NCOA7: variants seen among roughly 807,000 people sequenced by gnomAD.
The protein encoded by NCOA7 is nuclear receptor coactivator 7.
A neutral mutation model predicts 104.3 loss-of-function variants in NCOA7; 45 were observed. The observed-to-expected ratio is 0.43, with a 90% CI of 0.34 to 0.55. NCOA7 has a LOEUF of 0.55. Ranked by LOEUF, NCOA7 falls within the 20% of genes least tolerant of loss-of-function variation. The pLI is 0.02. For synonymous variants in NCOA7, 398 were observed against 402.3 expected (o/e 0.99, Z 0.13); for missense variants, 1,041 against 1,119.7 (o/e 0.93, Z 1.00).
intron 1 of NCOA7, among the ~76,000 whole-genome samples, chr6:125,814,780 A>G (rs915581232): frequency 6.6e-6 from 1 of 152,150 alleles, no homozygotes; most frequent in East Asian, 1.9e-4. Flanking sequence ...TCATTTCCAC[A>G]TTTGCTCAAG....
At position 125,896,539 on chromosome 6, in the gene NCOA7, C is replaced by T. The variant is rs187713350; in HGVS notation, c.2096+5729C>T. ...GGCGTGGTACGTCATGCCTGTAATC[C>T]CAGCACTTTTGGGAGGCCAAGGTGG... is the stretch of plus-strand genomic sequence containing the variant. On this transcript the variant is annotated intron_variant, in intron 10 of 15. Coordinates refer to ENST00000392477, the MANE Select transcript of NCOA7 (RefSeq NM_181782.5). Among the ~76,000 whole-genome samples, 215 of 152,118 alleles carry T rather than the reference C, an allele frequency of 1.4e-3. 1 individual carries two copies. Among genetic ancestry groups the T allele is most frequent in the African/African-American group, 5.0e-3 (207 of 41,498 alleles).
intron 4 of NCOA7, 47 bp from the exon 5 acceptor site, chr6:125,878,216 A>AT (rs752154033): frequency 7.4e-5 from 98 of 1,324,052 alleles, no homozygotes; most frequent in South Asian, 8.7e-5. Context: ...ATCAAAAGTA[A>AT]TTTTTTTTGC....
chr6:125,853,552 A>C (rs1781300994), intron 2 of NCOA7, among the ~76,000 whole-genome samples: 1 of 152,168 alleles, frequency 6.6e-6, no homozygotes, highest in Non-Finnish European at 1.5e-5. Context: ...TTGTTAGCCA[A>C]TGAATATCTA....
intron 10 of NCOA7, among the ~76,000 whole-genome samples, chr6:125,895,046 G>A (rs1329290165): frequency 6.6e-6 from 1 of 152,004 alleles, no homozygotes; most frequent in Non-Finnish European, 1.5e-5. Flanking sequence ...AACCTCAATT[G>A]TCTTTTTCCC....
At chr6:125,927,116 G>A (rs1433364612) in intron 13 of NCOA7, among the ~76,000 whole-genome samples, 2 of 152,130 alleles carry the variant, frequency 1.3e-5, no homozygotes, top group African/African-American at 2.4e-5. Context: ...CTAAACTATA[G>A]TAAGTCAGTC....
At chr6:125,781,904 G>T (rs551697284) in intron 1 of NCOA7, among the ~76,000 whole-genome samples, 2 of 152,272 alleles carry the variant, frequency 1.3e-5, no homozygotes, top group African/African-American at 4.8e-5. Flanking sequence ...GCAACAGAAA[G>T]TTGCAACTAT....
Position 125,799,443 on chromosome 6 carries a change from C to CTT in NCOA7, c.-65+8391_-65+8392dup, listed in dbSNP as rs35143077. 3.8e-3 allele frequency among the ~76,000 whole-genome samples: 518 copies of CTT among 138,002 alleles called. 3 individuals carry two copies. The highest frequency in any genetic ancestry group is 0.013 in the African/African-American group (488 of 37,982). The allele number at this position is 138,002 out of a possible 152,430, so 90.5% of individuals were successfully genotyped here. A position where few individuals can be genotyped will look rare whatever the true frequency, so the allele number is the denominator to read the frequency against. On this transcript the variant is annotated intron_variant, in intron 1 of 15. Coordinates refer to ENST00000392477, the MANE Select transcript of NCOA7 (RefSeq NM_181782.5). Reference sequence around the variant, plus strand: ...TGGCTTACTTTATTGCTTAGTTGTTCTTTTTTTTTTTTTTTTGATAGAATC... The same window carrying CTT: ...TGGCTTACTTTATTGCTTAGTTGTTCTTTTTTTTTTTTTTTTTTGATAGAATC...
At chr6:125,796,798 G>A (rs1199805108) in intron 1 of NCOA7, 1 of 152,136 alleles carries the variant, frequency 6.6e-6, no homozygotes, top group Non-Finnish European at 1.5e-5. Flanking sequence ...GGGATTACAG[G>A]TATGTGCCAC....
At chr6:125,852,306 C>T (rs1781195173) in intron 2 of NCOA7, among the ~76,000 whole-genome samples, 1 of 152,238 alleles carries the variant, frequency 6.6e-6, no homozygotes, top group South Asian at 2.1e-4. Flanking sequence ...AGCGATTCTC[C>T]TGCCTCAGCC....
intron 2 of NCOA7, among the ~76,000 whole-genome samples, chr6:125,840,908 T>TTTTTTTTTTTTTTTC: frequency 1.1e-5 from 1 of 91,502 alleles, no homozygotes; most frequent in Non-Finnish European, 2.2e-5. Context: ...TTTTTTTTTT[T>TTTTTTTTTTTTTTTC]TTGAGACAGA....
intron 14 of NCOA7, among the ~76,000 whole-genome samples, 177 bp downstream of exon 14, chr6:125,927,935 G>A (rs1423259282): frequency 1.3e-5 from 2 of 152,206 alleles, no homozygotes; most frequent in Admixed American, 6.5e-5. Context: ...CTTCTGGGCT[G>A]CTCAGGCTGG....
chr6:125,891,939 T>C (rs1784652165), intron 10 of NCOA7, among the ~76,000 whole-genome samples: 1 of 152,176 alleles, frequency 6.6e-6, no homozygotes, highest in South Asian at 2.1e-4. Context: ...TTGAGGAGAA[T>C]GAGGAGAAAA....
At chr6:125,850,097 G>A (rs1007673715) in intron 2 of NCOA7, among the ~76,000 whole-genome samples, 9 of 152,150 alleles carry the variant, frequency 5.9e-5, no homozygotes, top group African/African-American at 1.7e-4. Context: ...AAAGATTAAA[G>A]CCCTGAAAAG....
chr6:125,783,425 TG>T (rs1316789900), intron 1 of NCOA7, among the ~76,000 whole-genome samples: 1 of 152,198 alleles, frequency 6.6e-6, no homozygotes, highest in Admixed American at 6.5e-5. Flanking sequence ...GCTATAGTGA[TG>T]GCAAAATGGT....
At chr6:125,808,580 C>A (rs999504049) in intron 1 of NCOA7, among the ~76,000 whole-genome samples, 1 of 152,194 alleles carries the variant, frequency 6.6e-6, no homozygotes, top group East Asian at 1.9e-4. Flanking sequence ...AGCTCCCTCC[C>A]TCTGTTTTCT....
At chr6:125,822,564 G>A (rs867598566) in intron 2 of NCOA7, among the ~76,000 whole-genome samples, 4 of 152,184 alleles carry the variant, frequency 2.6e-5, no homozygotes, top group Admixed American at 6.5e-5. Flanking sequence ...CTGTATCTCT[G>A]AGTGTTATTC....
chr6:125,807,815 A>G (rs2128560673), intron 1 of NCOA7, among the ~76,000 whole-genome samples: 1 of 152,340 alleles, frequency 6.6e-6, no homozygotes, highest in African/African-American at 2.4e-5. Context: ...CAGGTTCAGA[A>G]TGGATTTCAG....
intron 2 of NCOA7, among the ~76,000 whole-genome samples, chr6:125,839,237 C>T (rs1484847278): frequency 1.3e-5 from 2 of 152,124 alleles, no homozygotes; most frequent in Non-Finnish European, 2.9e-5. Flanking sequence ...CCTGCCTCAG[C>T]CTCCCAAGTA....
At chr6:125,849,966 G>A (rs981832974) in intron 2 of NCOA7, among the ~76,000 whole-genome samples, 4 of 152,062 alleles carry the variant, frequency 2.6e-5, no homozygotes, top group Admixed American at 6.6e-5. Context: ...GAAATAATGG[G>A]AGTTCATTTT....
Sources: gnomAD v4.1 joint callset for allele counts (sites outside exome capture counted in the v4.1 genomes callset) on GRCh38, gnomAD v4.1.1 for gene constraint, MANE v1.5 for transcripts, NCBI Gene and HGNC (gene_info 2026-07-23, HGNC 2026-07-21) for gene names.